TJP1: variants seen among roughly 807,000 people sequenced by gnomAD.
TJP1 encodes the protein tight junction protein 1.
Under a neutral mutation model 194.2 loss-of-function variants are expected in TJP1, and 43 were observed. The observed-to-expected ratio is 0.22, with a 90% confidence interval of 0.17 to 0.29. The LOEUF is 0.29. TJP1 is among the 10% of genes least tolerant of loss of function. The probability of loss-of-function intolerance (pLI) is 1.00; values close to 1 mark genes in which losing one functional copy is unlikely to be tolerated. For synonymous variants in TJP1, 801 were observed against 779.0 expected (o/e 1.03, Z -0.47); for missense variants, 1,971 against 2,185.7 (o/e 0.90, Z 1.96).
At chr15:29,815,756 C>A (rs1416163916) in intron 1 of TJP1, among the ~76,000 whole-genome samples, 1 of 152,186 alleles carries the variant, frequency 6.6e-6, no homozygotes, top group Non-Finnish European at 1.5e-5. Context: ...TCCTTAGCAG[C>A]ATGGTGATCT....
At chr15:29,750,720 T>C (rs999724861) in intron 8 of TJP1, among the ~76,000 whole-genome samples, 1 of 152,196 alleles carries the variant, frequency 6.6e-6, no homozygotes, top group South Asian at 2.1e-4. Flanking sequence ...TCTAGTAGAA[T>C]ATCCTTTTAT....
intron 2 of TJP1, among the ~76,000 whole-genome samples, chr15:29,827,762 G>C (rs1220907834): frequency 6.6e-6 from 1 of 152,116 alleles, no homozygotes; most frequent in Non-Finnish European, 1.5e-5. Context: ...AAAAGCTTTA[G>C]GTGTACCTTT....
intron 1 of TJP1, chr15:29,956,497 C>T (rs917437680): frequency 4.2e-6 from 3 of 712,540 alleles, no homozygotes; most frequent in South Asian, 3.9e-5. Context: ...AGCTAAGAAC[C>T]ACAGCAGAGC....
chr15:29,712,537 T>C (rs568892562), intron 23 of TJP1, among the ~76,000 whole-genome samples: 176 of 152,152 alleles, frequency 1.2e-3, no homozygotes, highest in Non-Finnish European at 2.1e-3. Flanking sequence ...CATTTCACCA[T>C]AATTTGGTCT....
chr15:29,775,907 C>A (rs1294608682), intron 2 of TJP1, among the ~76,000 whole-genome samples: 1 of 152,036 alleles, frequency 6.6e-6, no homozygotes. Flanking sequence ...AGGGAATTAT[C>A]CCACAAAAAG....
chr15:29,843,408 C>T (rs1212003865), intron 2 of TJP1, among the ~76,000 whole-genome samples: 2 of 152,062 alleles, frequency 1.3e-5, no homozygotes, highest in African/African-American at 2.4e-5. Flanking sequence ...AGGCTGGTCT[C>T]GAACTCCCAA....
intron 2 of TJP1, among the ~76,000 whole-genome samples, chr15:29,955,024 G>A (rs2055885575): frequency 6.6e-6 from 1 of 151,890 alleles, no homozygotes; most frequent in Admixed American, 6.6e-5. Context: ...AGGTTGCAGT[G>A]AGCCGAGATC....
chr15:29,833,885 T>A (rs867932269), intron 2 of TJP1, among the ~76,000 whole-genome samples: 59 of 19,650 alleles, frequency 3.0e-3, no homozygotes, highest in Non-Finnish European at 4.1e-3. Flanking sequence ...ATATATATTT[T>A]TTTTTTTTTT....
intron 2 of TJP1, among the ~76,000 whole-genome samples, chr15:29,912,011 G>T (rs967647049): frequency 3.3e-5 from 5 of 152,176 alleles, no homozygotes; most frequent in Admixed American, 6.5e-5. Flanking sequence ...CAGACTGGGT[G>T]GCTTTAACAA....
At chr15:29,949,655 TCCACCTCCACAACCA>T (rs2055543150) in intron 2 of TJP1, among the ~76,000 whole-genome samples, 3 of 44,726 alleles carry the variant, frequency 6.7e-5, no homozygotes, top group African/African-American at 2.4e-4. Context: ...CACCACCACC[TCCACCTCCACAACCA>T]CCACCTCCAC....
At chr15:29,841,899 T>A (rs1169351956) in intron 2 of TJP1, among the ~76,000 whole-genome samples, 1 of 152,234 alleles carries the variant, frequency 6.6e-6, no homozygotes, top group East Asian at 1.9e-4. Flanking sequence ...AGTTGGTTCA[T>A]CATCATAACT....
chr15:29,763,081 C>T (rs1203853991), intron 5 of TJP1, among the ~76,000 whole-genome samples: 2 of 152,142 alleles, frequency 1.3e-5, no homozygotes, highest in Non-Finnish European at 2.9e-5. Context: ...AGAGTACTAG[C>T]ATGTACTAAG....
intron 2 of TJP1, among the ~76,000 whole-genome samples, chr15:29,913,384 G>T (rs1315078780): frequency 1.3e-5 from 2 of 152,126 alleles, no homozygotes; most frequent in Non-Finnish European, 2.9e-5. Context: ...GCAGGAGAAT[G>T]ACCTACAAGG....
At chr15:29,936,316 A>T (rs1053553109) in intron 2 of TJP1, among the ~76,000 whole-genome samples, 1 of 152,214 alleles carries the variant, frequency 6.6e-6, no homozygotes, top group African/African-American at 2.4e-5. Context: ...ACACGCCACT[A>T]AATACTGAAT....
intron 1 of TJP1, chr15:29,968,109 A>C (rs934731985): frequency 1.0e-6 from 1 of 985,460 alleles, no homozygotes; most frequent in Non-Finnish European, 1.2e-6. Context: ...CCTCAGTAAC[A>C]GTTTCCAGGT....
intron 8 of TJP1, among the ~76,000 whole-genome samples, chr15:29,749,570 A>T (rs2045104861): frequency 6.6e-6 from 1 of 152,114 alleles, no homozygotes; most frequent in South Asian, 2.1e-4. Context: ...ATCCTAAAGT[A>T]CTCGGTGGCC....
At chr15:29,854,223 G>A (rs1484722617) in intron 2 of TJP1, among the ~76,000 whole-genome samples, 1 of 152,154 alleles carries the variant, frequency 6.6e-6, no homozygotes, top group East Asian at 1.9e-4. Flanking sequence ...ACAAGAGAGG[G>A]ATCCTATGCA....
intron 25 of TJP1, among the ~76,000 whole-genome samples, 171 bp from the exon 26 acceptor site, chr15:29,705,916 A>C (rs1338866941): frequency 6.6e-6 from 1 of 152,136 alleles, no homozygotes; most frequent in Admixed American, 6.6e-5. Context: ...ATCGCAGAGA[A>C]TATTATTTCT....
chr15:29,725,987 T>G (rs2043215459), intron 18 of TJP1, among the ~76,000 whole-genome samples: 1 of 152,166 alleles, frequency 6.6e-6, no homozygotes, highest in African/African-American at 2.4e-5. Context: ...GAATTGAGCA[T>G]GCTGAGGACA....
Sources: allele counts gnomAD v4.1 joint callset (sites outside exome capture counted in the v4.1 genomes callset), GRCh38; gene constraint gnomAD v4.1.1; transcripts MANE v1.5; gene names NCBI Gene and HGNC (gene_info 2026-07-23, HGNC 2026-07-21).